Variants in NFAM1 observed in about 807,000 individuals in gnomAD.
NFAM1 encodes the protein NFAT activation molecule 1.
NFAM1 carries 17 observed loss-of-function variants against 29.0 expected under a neutral mutation model. That is an observed-to-expected ratio of 0.59 (90% CI 0.40 to 0.88). The LOEUF is 0.88. Ranked by LOEUF, NFAM1 falls within the 40% of genes least tolerant of loss-of-function variation. The pLI, the probability that NFAM1 is intolerant of heterozygous loss-of-function variation, is 0.00. For synonymous variants in NFAM1, 175 were observed against 147.2 expected (o/e 1.19, Z -1.36); for missense variants, 324 against 344.6 (o/e 0.94, Z 0.47).
At chr22:42,386,034 A>G (rs959511030) in intron 5 of NFAM1, among the ~76,000 whole-genome samples, 1 of 152,160 alleles carries the variant, frequency 6.6e-6, no homozygotes, top group Non-Finnish European at 1.5e-5. Context: ...TTGGTATTGC[A>G]GGAAAACACT....
chr22:42,387,787 T>G (rs1471262986), intron 4 of NFAM1, among the ~76,000 whole-genome samples: 1 of 152,074 alleles, frequency 6.6e-6, no homozygotes, highest in Non-Finnish European at 1.5e-5. Flanking sequence ...TGCGCCTCCC[T>G]GGAGGTCTCA....
At chr22:42,420,932 A>G (rs920863045) in intron 1 of NFAM1, among the ~76,000 whole-genome samples, 1 of 152,186 alleles carries the variant, frequency 6.6e-6, no homozygotes, top group East Asian at 1.9e-4. Flanking sequence ...CCTGGGGACA[A>G]TGGTAGTCAG....
In NFAM1 at chr22:42,422,186, G is replaced by A. The variant is rs543225144; in HGVS notation, c.121+10051C>T. On this transcript the variant is annotated intron_variant, in intron 1 of 5. Coordinates refer to ENST00000329021, the MANE Select transcript of NFAM1 (RefSeq NM_145912.8). ...CTCATTTTCATGCCTCTAGACCCCC[G>A]AACCAGGGTGTACGGTGGCCGCTCG... Among the ~76,000 whole-genome samples, 219 of 152,182 alleles carry A rather than the reference G, an allele frequency of 1.4e-3. 2 individuals carry two copies. The highest frequency in any genetic ancestry group is 6.8e-3 in the Middle Eastern group (2 of 294).
At chr22:42,389,312 G>A (rs978310398) in intron 4 of NFAM1, among the ~76,000 whole-genome samples, 4 of 152,156 alleles carry the variant, frequency 2.6e-5, no homozygotes, top group African/African-American at 4.8e-5. Flanking sequence ...GCGAGTGGGC[G>A]GTGGTGCAGT....
intron 4 of NFAM1, among the ~76,000 whole-genome samples, chr22:42,395,608 C>G (rs1361633915): frequency 6.6e-6 from 1 of 151,660 alleles, no homozygotes; most frequent in South Asian, 2.1e-4. Context: ...GAAGGCCAGG[C>G]GCGGTGGCTC....
chr22:42,420,014 T>TTTTTTTTTTTTTG (rs1569234767), intron 1 of NFAM1, among the ~76,000 whole-genome samples: 1 of 139,586 alleles, frequency 7.2e-6, no homozygotes, highest in Non-Finnish European at 1.5e-5. Context: ...TTTTTTTTTT[T>TTTTTTTTTTTTTG]TTTTTTTTTT....
intron 1 of NFAM1, among the ~76,000 whole-genome samples, chr22:42,422,972 G>A (rs1022486592): frequency 1.3e-5 from 2 of 152,078 alleles, no homozygotes; most frequent in African/African-American, 2.4e-5. Context: ...CATTAGCTGT[G>A]CGTGGTGGCG....
chr22:42,422,724 T>C (rs1199871261), intron 1 of NFAM1, among the ~76,000 whole-genome samples: 1 of 152,078 alleles, frequency 6.6e-6, no homozygotes, highest in Non-Finnish European at 1.5e-5. Context: ...CCCTGTACCC[T>C]CAAAGGGGCA....
chr22:42,422,869 C>T (rs1285388138), intron 1 of NFAM1, among the ~76,000 whole-genome samples: 1 of 151,778 alleles, frequency 6.6e-6, no homozygotes, highest in African/African-American at 2.4e-5. Context: ...AATCCTAGCA[C>T]TTTGGGAGGC....
At chr22:42,414,011 G>A (rs1433635715) in intron 1 of NFAM1, among the ~76,000 whole-genome samples, 1 of 152,010 alleles carries the variant, frequency 6.6e-6, no homozygotes, top group African/African-American at 2.4e-5. Context: ...CCAAGATCGC[G>A]CCACTGCACT....
chr22:42,390,646 G>A (rs765851256), intron 4 of NFAM1, among the ~76,000 whole-genome samples: 47 of 152,070 alleles, frequency 3.1e-4, no homozygotes, highest in Admixed American at 1.1e-3. Context: ...GCAAAACCCC[G>A]TCTTTACTAA....
intron 4 of NFAM1, among the ~76,000 whole-genome samples, chr22:42,389,938 C>G (rs942894899): frequency 1.3e-5 from 2 of 152,050 alleles, no homozygotes; most frequent in Non-Finnish European, 1.5e-5. Flanking sequence ...GGGTGTTGTT[C>G]GGGAAGGAAC....
In NFAM1 at chr22:42,386,862, C is replaced by T. The variant is rs11913843; in HGVS notation, c.753+127G>A. On this transcript the variant is annotated intron_variant, in intron 5 of 5. Transcript: ENST00000329021. ...CTCTTAACCAGCAGGCCAGCTGCCA[C>T]CAGGAGATGGCTGGGATTCCACAGC... 5.2e-4 allele frequency: 310 copies of T among 594,866 alleles called. No individual in the cohort carries two copies. In the African/African-American group the frequency reaches 5.3e-3, roughly 10 times the overall value. 36.8% of individuals were successfully genotyped at this position (594,866 alleles called of 1,614,324 possible). A position where few individuals can be genotyped will look rare whatever the true frequency, so the allele number is the denominator to read the frequency against.
chr22:42,388,620 C>T lies in NFAM1; in HGVS notation c.664-1542G>A, dbSNP rs1414858371. 2.2e-4 allele frequency among the ~76,000 whole-genome samples: 34 copies of T among 151,202 alleles called. No homozygotes were observed. On this transcript the variant is annotated intron_variant, in intron 4 of 5. Transcript: ENST00000329021. The surrounding 1 kb of genome is among the most constrained non-coding windows in gnomAD (Gnocchi z 4.1). ...AGGCAGGCTGGAGAGACAGGTGGTG[C>T]TCAGAGGCAGGAGGAGGGCGGGAGG...
chr22:42,424,999 G>A, intron 1 of NFAM1, among the ~76,000 whole-genome samples: 1 of 151,816 alleles, frequency 6.6e-6, no homozygotes, highest in East Asian at 1.9e-4. Context: ...CCGTCTCACA[G>A]CAAACTCTAC....
chr22:42,404,318 C>A (rs965649813), intron 3 of NFAM1, among the ~76,000 whole-genome samples: 2 of 152,028 alleles, frequency 1.3e-5, no homozygotes, highest in African/African-American at 4.8e-5. Context: ...TTGGTAGTTT[C>A]CAGCTTCAAT....
rs147419156 is a variant in NFAM1, at chr22:42,424,414, C to CAA, written c.121+7821_121+7822dup. On this transcript the variant is annotated intron_variant, in intron 1 of 5. Transcript: ENST00000329021. Reference sequence around the variant, plus strand: ...TAGGGGATAGAGCGAGACTCCGTCTCAAAAAAGAAACAAAAAAAGAAACAC... The same window carrying CAA: ...TAGGGGATAGAGCGAGACTCCGTCTCAAAAAAAAGAAACAAAAAAAGAAACAC... Among the ~76,000 whole-genome samples, 201 of 146,688 alleles carry CAA rather than the reference C, an allele frequency of 1.4e-3. 2 individuals carry two copies. Among genetic ancestry groups the CAA allele is most frequent in the African/African-American group, 4.1e-3 (159 of 38,354 alleles).
chr22:42,391,927 A>G (rs1929356114), intron 4 of NFAM1, among the ~76,000 whole-genome samples: 1 of 147,544 alleles, frequency 6.8e-6, no homozygotes, highest in African/African-American at 2.6e-5. Flanking sequence ...CCTGGGTGAC[A>G]AGAGCGAGAC....
intron 1 of NFAM1, among the ~76,000 whole-genome samples, chr22:42,426,818 G>T (rs538279360): frequency 6.6e-6 from 1 of 152,264 alleles, no homozygotes; most frequent in Non-Finnish European, 1.5e-5. Context: ...CACGACCGAA[G>T]ATGAGCACTG....
Sources: gnomAD v4.1 joint callset for allele counts (sites outside exome capture counted in the v4.1 genomes callset) on GRCh38, gnomAD v4.1.1 for gene constraint, Gnocchi (gnomAD v3.1) non-coding constraint, MANE v1.5 for transcripts, NCBI Gene and HGNC (gene_info 2026-07-23, HGNC 2026-07-21) for gene names.